ERBB4: variants seen among roughly 807,000 people sequenced by gnomAD.
The protein encoded by ERBB4 is receptor tyrosine-protein kinase erbB-4.
A neutral mutation model predicts 158.0 loss-of-function variants in ERBB4; 42 were observed. The observed-to-expected ratio is 0.27, with a 90% CI of 0.21 to 0.34. The LOEUF (loss-of-function observed/expected upper bound fraction) is 0.34, where lower values mean the gene tolerates loss of function less well. Among genes scored for constraint, ERBB4 ranks in the 10% least tolerant of loss-of-function variants. The probability of loss-of-function intolerance (pLI) is 1.00; values close to 1 mark genes in which losing one functional copy is unlikely to be tolerated. For missense variants in ERBB4, 1,333 were observed against 1,624.1 expected, an observed-to-expected ratio of 0.82 and a Z score of 3.08; for synonymous variants, 583 against 558.7, an observed-to-expected ratio of 1.04 and a Z score of -0.61.
chr2:211,732,257 T>G (rs767856188), intron 5 of ERBB4, among the ~76,000 whole-genome samples: 1 of 152,130 alleles, frequency 6.6e-6, no homozygotes, highest in Non-Finnish European at 1.5e-5. Context: ...TATATCCTAA[T>G]TTTTACAGGA....
chr2:212,084,381 G>A (rs907268299), intron 2 of ERBB4, among the ~76,000 whole-genome samples: 4 of 151,896 alleles, frequency 2.6e-5, no homozygotes, highest in South Asian at 2.1e-4. Context: ...CTAGTTATAC[G>A]CTGAAAATTC....
chr2:211,934,941 A>AAAAAAAAAAAAAAAAAAAAAAAAAACC (rs1575401060), intron 3 of ERBB4, among the ~76,000 whole-genome samples: 1 of 150,222 alleles, frequency 6.7e-6, no homozygotes, highest in Non-Finnish European at 1.5e-5. Context: ...AAAAAAAAAA[A>AAAAAAAAAAAAAAAAAAAAAAAAAACC]CTGCCTTGAA....
At chr2:212,449,502 T>C (rs997156296) in intron 1 of ERBB4, among the ~76,000 whole-genome samples, 2 of 152,160 alleles carry the variant, frequency 1.3e-5, no homozygotes, top group African/African-American at 4.8e-5. Flanking sequence ...TTTAATTACG[T>C]ATAGCTTTCC....
At chr2:211,391,280 G>C (rs1252814622) in intron 25 of ERBB4, among the ~76,000 whole-genome samples, 1 of 152,154 alleles carries the variant, frequency 6.6e-6, no homozygotes, top group Non-Finnish European at 1.5e-5. Context: ...TAAAAATTAA[G>C]ATCCTCACAG....
chr2:212,481,806 A>T (rs1370884093), intron 1 of ERBB4, among the ~76,000 whole-genome samples: 1 of 152,202 alleles, frequency 6.6e-6, no homozygotes, highest in Non-Finnish European at 1.5e-5. Flanking sequence ...GCAGAGCTGT[A>T]AAGTATTTAA....
chr2:211,985,103 C>G (rs2081904736), intron 2 of ERBB4, among the ~76,000 whole-genome samples: 1 of 152,214 alleles, frequency 6.6e-6, no homozygotes, highest in Admixed American at 6.5e-5. Context: ...AGCATGCTAA[C>G]ATACTCACTG....
chr2:211,767,310 G>T (rs940969473), intron 4 of ERBB4, among the ~76,000 whole-genome samples: 3 of 152,136 alleles, frequency 2.0e-5, no homozygotes, highest in African/African-American at 7.2e-5. Flanking sequence ...AATAGAGTCA[G>T]TGTAATTGTC....
intron 1 of ERBB4, among the ~76,000 whole-genome samples, chr2:212,327,124 TGAGTTCATAC>T (rs1333896903): frequency 6.6e-6 from 1 of 150,652 alleles, no homozygotes; most frequent in African/African-American, 2.4e-5. Context: ...GACGATTAAA[TGAGTTCATAC>T]GTGTGAAGTA....
chr2:211,508,715 G>A (rs1185500885), intron 20 of ERBB4, among the ~76,000 whole-genome samples: 1 of 152,144 alleles, frequency 6.6e-6, no homozygotes, highest in African/African-American at 2.4e-5. Flanking sequence ...GCATACATAT[G>A]TGTATTACTA....
intron 25 of ERBB4, among the ~76,000 whole-genome samples, chr2:211,402,251 G>A (rs2063060135): frequency 6.6e-6 from 1 of 151,984 alleles, no homozygotes; most frequent in Non-Finnish European, 1.5e-5. Context: ...GGTTACATTA[G>A]TATCCTGCCT....
intron 15 of ERBB4, among the ~76,000 whole-genome samples, chr2:211,664,405 A>G (rs550962986): frequency 4.9e-4 from 75 of 152,134 alleles, no homozygotes; most frequent in African/African-American, 1.7e-3. Context: ...GCACATGCCT[A>G]TAGGCATTCA....
chr2:211,736,412 AAATGT>A (rs1423514398), intron 5 of ERBB4, among the ~76,000 whole-genome samples: 2 of 152,180 alleles, frequency 1.3e-5, no homozygotes, highest in African/African-American at 4.8e-5. Context: ...ATTTCAATAA[AAATGT>A]ATTGTTGGGC....
rs200099680 is a variant in ERBB4, at chr2:212,476,152, G to C, written c.82+62297C>G. 2.4e-5 allele frequency among the ~76,000 whole-genome samples: 3 copies of C among 122,538 alleles called. No homozygotes were observed. The East Asian group carries it at 6.1e-4, about 25-fold the overall frequency. The allele number at this position is 122,538 out of a possible 152,430, so 80.4% of individuals were successfully genotyped here. On this transcript the variant is annotated intron_variant, in intron 1 of 27. Coordinates refer to ENST00000342788, the MANE Select transcript of ERBB4 (RefSeq NM_005235.3). ...ATACATACTCTCTCTCTCTCTCTCT[G>C]TCACACACACACACACACACACACA...
chr2:212,217,015 G>A (rs2049180), intron 1 of ERBB4, among the ~76,000 whole-genome samples: 74,587 of 151,134 alleles, frequency 0.49, 18,811 homozygotes, highest in East Asian at 0.77. Flanking sequence ...TGCAGATCAA[G>A]GCATCTGGTC....
intron 3 of ERBB4, among the ~76,000 whole-genome samples, chr2:211,847,430 T>C (rs946287267): frequency 6.6e-6 from 1 of 152,042 alleles, no homozygotes; most frequent in African/African-American, 2.4e-5. Context: ...GAAGTTACAA[T>C]AAGGATTTGC....
chr2:212,262,400 G>A (rs2084979977), intron 1 of ERBB4, among the ~76,000 whole-genome samples: 1 of 152,090 alleles, frequency 6.6e-6, no homozygotes, highest in African/African-American at 2.4e-5. Context: ...GCATCATTGT[G>A]CATATGAGTG....
intron 4 of ERBB4, among the ~76,000 whole-genome samples, chr2:211,787,376 A>T (rs1039267470): frequency 3.9e-5 from 6 of 152,232 alleles, no homozygotes; most frequent in African/African-American, 9.6e-5. Context: ...CTTATTATTA[A>T]ATCATATTAA....
At position 211,683,112 on chromosome 2, in the gene ERBB4, T is replaced by G. The variant is rs188903952; in HGVS notation, c.1490-3928A>C. On this transcript the variant is annotated intron_variant, in intron 12 of 27. Coordinates refer to ENST00000342788, the MANE Select transcript of ERBB4 (RefSeq NM_005235.3). ...TAATATAAATATTTTAAATTTAATATTTTATTCTGAAATAATTGTATATTA... is the reference window on the plus strand; with the variant it reads ...TAATATAAATATTTTAAATTTAATAGTTTATTCTGAAATAATTGTATATTA... Among the ~76,000 whole-genome samples the G allele has an allele frequency of 1.4e-4, 21 of 145,034 alleles. No homozygotes were observed. In the East Asian group the frequency reaches 3.5e-3, roughly 24 times the overall value.
At chr2:211,853,755 C>T (rs13022306) in intron 3 of ERBB4, among the ~76,000 whole-genome samples, 32,374 of 151,938 alleles carry the variant, frequency 0.21, 3,569 homozygotes, top group South Asian at 0.32. Context: ...TAGGACTTTA[C>T]ACTATTGTGA....
Sources: allele counts gnomAD v4.1 joint callset (sites outside exome capture counted in the v4.1 genomes callset), GRCh38; gene constraint gnomAD v4.1.1; transcripts MANE v1.5; gene names NCBI Gene and HGNC (gene_info 2026-07-23, HGNC 2026-07-21).